The following KLF12 variants were observed in gnomAD, a reference collection of about 807,000 sequenced individuals.
KLF12 encodes the protein KLF transcription factor 12.
A neutral mutation model predicts 37.8 loss-of-function variants in KLF12; 9 were observed. The ratio of observed to expected loss-of-function variants is 0.24; its 90% CI spans 0.14 to 0.42. The LOEUF (loss-of-function observed/expected upper bound fraction) is 0.42. KLF12 is among the 10% of genes least tolerant of loss of function. KLF12 has a pLI of 1.00. For missense variants in KLF12, 411 were observed against 516.0 expected, an observed-to-expected ratio of 0.80 and a Z score of 1.97; for synonymous variants, 208 against 202.1, an observed-to-expected ratio of 1.03 and a Z score of -0.25.
intron 1 of KLF12, among the ~76,000 whole-genome samples, chr13:74,125,790 C>T (rs1298554134): frequency 1.3e-5 from 2 of 152,240 alleles, no homozygotes; most frequent in East Asian, 1.9e-4. Flanking sequence ...ATATGATCTA[C>T]AACAAATATA....
At chr13:74,117,976 C>T (rs1257255167) in intron 1 of KLF12, among the ~76,000 whole-genome samples, 2 of 151,280 alleles carry the variant, frequency 1.3e-5, no homozygotes, top group Non-Finnish European at 2.9e-5. Flanking sequence ...ATGGAAAAGC[C>T]AGTGAGATCC....
chr13:73,948,383 A>G (rs547706905), intron 2 of KLF12, among the ~76,000 whole-genome samples: 1 of 152,156 alleles, frequency 6.6e-6, no homozygotes, highest in Admixed American at 6.5e-5. Context: ...CACCACGCCT[A>G]ATTTTTTCTA....
chr13:73,722,996 A>C (rs1876382632), intron 6 of KLF12, among the ~76,000 whole-genome samples: 1 of 152,156 alleles, frequency 6.6e-6, no homozygotes, highest in Admixed American at 6.5e-5. Context: ...CACTTTCTAG[A>C]CCGTTAAAAA....
the KLF12 span, among the ~76,000 whole-genome samples, chr13:74,225,318 C>T: frequency 3.1e-3 from 468 of 152,240 alleles, 1 homozygote; most frequent in African/African-American, 0.011. Flanking sequence ...TTCTCTTTTA[C>T]AAGCAGAGTT....
chr13:74,298,568 T>C, the KLF12 span, among the ~76,000 whole-genome samples: 2 of 152,114 alleles, frequency 1.3e-5, no homozygotes, highest in East Asian at 3.8e-4. Context: ...CAGACCCATA[T>C]GGGAGTTAGG....
intron 1 of KLF12, among the ~76,000 whole-genome samples, chr13:73,995,698 T>C (rs1353902622): frequency 1.3e-5 from 2 of 152,160 alleles, no homozygotes; most frequent in African/African-American, 4.8e-5. Flanking sequence ...AGGTCCAAAA[T>C]CTCCAGGACC....
At chr13:74,190,729 A>G in the KLF12 span, among the ~76,000 whole-genome samples, 1 of 152,202 alleles carries the variant, frequency 6.6e-6, no homozygotes, top group African/African-American at 2.4e-5. Context: ...TGCATCATTG[A>G]TTAAACTTTC....
chr13:73,759,238 C>G (rs922466821), intron 6 of KLF12, among the ~76,000 whole-genome samples: 4 of 152,080 alleles, frequency 2.6e-5, no homozygotes, highest in African/African-American at 9.7e-5. Context: ...TTTGCCAACA[C>G]GCATGGCTTA....
chr13:74,129,031 T>C (rs879721027), intron 1 of KLF12, among the ~76,000 whole-genome samples: 17 of 152,298 alleles, frequency 1.1e-4, no homozygotes, highest in East Asian at 9.6e-4. Flanking sequence ...TGAATATATA[T>C]GTATATACAG....
chr13:73,733,111 C>G (rs1210427338), intron 6 of KLF12, among the ~76,000 whole-genome samples: 1 of 152,170 alleles, frequency 6.6e-6, no homozygotes, highest in East Asian at 1.9e-4. Flanking sequence ...CACCCTTACT[C>G]CTTCCCCCCA....
At chr13:74,159,124 T>C in the KLF12 span, among the ~76,000 whole-genome samples, 2 of 152,134 alleles carry the variant, frequency 1.3e-5, no homozygotes, top group Non-Finnish European at 2.9e-5. Context: ...TCCTGAATCA[T>C]AGACTTTTGC....
chr13:73,732,468 A>G (rs565855514), intron 6 of KLF12, among the ~76,000 whole-genome samples: 1 of 152,224 alleles, frequency 6.6e-6, no homozygotes, highest in East Asian at 1.9e-4. Flanking sequence ...CACAGATAAT[A>G]AGCAGTAAGA....
At chr13:74,260,298 C>G in the KLF12 span, among the ~76,000 whole-genome samples, 1 of 151,870 alleles carries the variant, frequency 6.6e-6, no homozygotes, top group Non-Finnish European at 1.5e-5. Context: ...GCTTATACCT[C>G]GAATCCCAGT....
the KLF12 span, among the ~76,000 whole-genome samples, chr13:74,241,603 C>T: frequency 6.6e-6 from 1 of 152,196 alleles, no homozygotes; most frequent in African/African-American, 2.4e-5. Flanking sequence ...ATCAGCGAGA[C>T]TCCGTGGGCG....
At chr13:73,748,486 T>G (rs780812806) in intron 6 of KLF12, among the ~76,000 whole-genome samples, 2 of 152,084 alleles carry the variant, frequency 1.3e-5, no homozygotes, top group Non-Finnish European at 2.9e-5. Flanking sequence ...TGTACTTTTA[T>G]AAGAAGAGGA....
At chr13:73,972,195 C>T (rs925732937) in intron 2 of KLF12, among the ~76,000 whole-genome samples, 6 of 152,002 alleles carry the variant, frequency 3.9e-5, no homozygotes, top group African/African-American at 7.2e-5. Context: ...AAACCACAGA[C>T]GAAGAATTTA....
chr13:74,207,519 C>CA, the KLF12 span, among the ~76,000 whole-genome samples: 21 of 152,050 alleles, frequency 1.4e-4, no homozygotes, highest in Non-Finnish European at 2.4e-4. Context: ...ACTAAAAATA[C>CA]AAAAAAAGTA....
At chr13:73,979,110 TA>T (rs971952042) in intron 2 of KLF12, among the ~76,000 whole-genome samples, 1 of 152,146 alleles carries the variant, frequency 6.6e-6, no homozygotes, top group Non-Finnish European at 1.5e-5. Context: ...GTACATTTGT[TA>T]AAACCCGTAG....
the KLF12 span, among the ~76,000 whole-genome samples, chr13:74,242,625 T>C: frequency 6.6e-6 from 1 of 152,224 alleles, no homozygotes; most frequent in African/African-American, 2.4e-5. Flanking sequence ...ATATGAGACG[T>C]AACAAAGTCA....
Sources: gnomAD v4.1 joint callset for allele counts (sites outside exome capture counted in the v4.1 genomes callset) on GRCh38, gnomAD v4.1.1 for gene constraint, MANE v1.5 for transcripts, NCBI Gene and HGNC (gene_info 2026-07-23, HGNC 2026-07-21) for gene names.